Variants in KDM7A observed in about 807,000 individuals in gnomAD.
KDM7A encodes the protein lysine-specific demethylase 7A.
In KDM7A, 28 loss-of-function variants were observed where a neutral mutation model predicts 114.8. The ratio of observed to expected loss-of-function variants is 0.24; its 90% confidence interval spans 0.18 to 0.33. The LOEUF (loss-of-function observed/expected upper bound fraction) is 0.33, where lower values mean the gene tolerates loss of function less well. Ranked by LOEUF, KDM7A falls within the 10% of genes least tolerant of loss-of-function variation. KDM7A has a pLI of 1.00. For missense variants in KDM7A, 942 were observed against 1,142.5 expected, an observed-to-expected ratio of 0.82 and a Z score of 2.53; for synonymous variants, 423 against 397.8, an observed-to-expected ratio of 1.06 and a Z score of -0.75.
intron 1 of KDM7A, among the ~76,000 whole-genome samples, chr7:140,161,798 C>A (rs1158831746): frequency 2.6e-5 from 4 of 151,848 alleles, no homozygotes; most frequent in Admixed American, 2.0e-4. Context: ...CCCGCCTCGG[C>A]CTCCCAAAGT....
intron 1 of KDM7A, among the ~76,000 whole-genome samples, chr7:140,141,194 A>G (rs1021981808): frequency 2.0e-5 from 3 of 152,226 alleles, no homozygotes; most frequent in African/African-American, 7.2e-5. Context: ...TTGAGGTTCA[A>G]TAATGTAAAG....
At chr7:140,156,761 A>G (rs540417754) in intron 1 of KDM7A, among the ~76,000 whole-genome samples, 6 of 152,244 alleles carry the variant, frequency 3.9e-5, no homozygotes, top group Non-Finnish European at 8.8e-5. Context: ...ATGCCCTCAG[A>G]CCAAGTATCA....
At chr7:140,154,929 A>G (rs1219233920) in intron 1 of KDM7A, among the ~76,000 whole-genome samples, 1 of 152,168 alleles carries the variant, frequency 6.6e-6, no homozygotes, top group Non-Finnish European at 1.5e-5. Flanking sequence ...AATGTTTTGC[A>G]ATTTTACAAT....
Position 140,176,295 on chromosome 7 carries a change from G to A in KDM7A, c.194+449C>T, listed in dbSNP as rs999556152. 1.4e-4 allele frequency among the ~76,000 whole-genome samples: 21 copies of A among 148,280 alleles called. No individual in the cohort carries two copies. The highest frequency in any genetic ancestry group is 3.1e-4 in the Non-Finnish European group (21 of 66,716). Reference sequence around the variant, plus strand: ...CGCCCGGAAGGAAGGCAGGCGCGTCGGCCGGCCGGGCAGAGCGGCGGGGCG... The same window carrying A: ...CGCCCGGAAGGAAGGCAGGCGCGTCAGCCGGCCGGGCAGAGCGGCGGGGCG... On this transcript the variant is annotated intron_variant, in intron 1 of 19. Coordinates refer to ENST00000397560, the MANE Select transcript of KDM7A (RefSeq NM_030647.2). The surrounding 1 kb of genome is among the most constrained non-coding windows in gnomAD (Gnocchi z 4.4).
At chr7:140,094,244 C>T (rs1163622988) in intron 17 of KDM7A, 106 bp from the exon 18 acceptor site, 3 of 753,500 alleles carry the variant, frequency 4.0e-6, no homozygotes, top group Admixed American at 1.9e-5. Flanking sequence ...ATGGCTCACG[C>T]CTGTAATCCC....
Position 140,176,636 on chromosome 7 carries a change from G to T in KDM7A, c.194+108C>A. On this transcript the variant is annotated intron_variant, in intron 1 of 19. Coordinates refer to ENST00000397560, the MANE Select transcript of KDM7A (RefSeq NM_030647.2). This position sits in a 1 kb window ranked among gnomAD's most constrained non-coding sequence, Gnocchi z 4.4. ...TAGGCACCGGGGCCCCCTGAAAGCT[G>T]GGCGCGGCGCGGCGGCCCGGCCCGA... 1.2e-6 allele frequency: 1 copy of T among 839,036 alleles called. No homozygotes were observed. Among genetic ancestry groups the T allele is most frequent in the Non-Finnish European group, 1.4e-6 (1 of 694,206 alleles). The allele number at this position is 839,036 out of a possible 1,614,324, so 52.0% of individuals were successfully genotyped here. A position where few individuals can be genotyped will look rare whatever the true frequency, so the allele number is the denominator to read the frequency against.
intron 1 of KDM7A, among the ~76,000 whole-genome samples, chr7:140,143,083 G>A (rs1365896604): frequency 1.3e-5 from 2 of 151,548 alleles, no homozygotes; most frequent in Non-Finnish European, 2.9e-5. Context: ...CGGAGGCTGA[G>A]GCAGGAGAAC....
intron 2 of KDM7A, among the ~76,000 whole-genome samples, chr7:140,136,265 T>TA (rs1818869219): frequency 6.6e-6 from 1 of 152,228 alleles, no homozygotes; most frequent in East Asian, 1.9e-4. Flanking sequence ...TAACATAGGT[T>TA]AAGTACTTAC....
chr7:140,103,199 C>T (rs1818261899), intron 11 of KDM7A, among the ~76,000 whole-genome samples: 1 of 152,064 alleles, frequency 6.6e-6, no homozygotes, highest in African/African-American at 2.4e-5. Flanking sequence ...CTTCTAGGAA[C>T]CTCATATAAG....
intron 12 of KDM7A, 148 bp downstream of exon 12, chr7:140,101,801 CCT>C (rs1364947237): frequency 3.2e-6 from 2 of 624,844 alleles, no homozygotes; most frequent in South Asian, 2.0e-5. Flanking sequence ...AGCACCACTC[CCT>C]GTCACAGGCA....
chr7:140,135,080 A>G (rs115069186), intron 2 of KDM7A, among the ~76,000 whole-genome samples: 2,697 of 151,918 alleles, frequency 0.018, 94 homozygotes, highest in African/African-American at 0.062. Flanking sequence ...AGAATCACAA[A>G]GCAAACTTCC....
intron 1 of KDM7A, among the ~76,000 whole-genome samples, chr7:140,141,294 A>C (rs1430846738): frequency 1.3e-5 from 2 of 152,190 alleles, no homozygotes; most frequent in South Asian, 2.1e-4. Context: ...TCTAAAATTA[A>C]TATGGAAATG....
chr7:140,161,564 G>A (rs182344990), intron 1 of KDM7A, among the ~76,000 whole-genome samples: 4 of 151,240 alleles, frequency 2.6e-5, no homozygotes, highest in Admixed American at 6.6e-5. Context: ...TCTACGGTGG[G>A]GGGGACGGAG....
At chr7:140,172,856 A>G (rs1305051830) in intron 1 of KDM7A, among the ~76,000 whole-genome samples, 1 of 152,216 alleles carries the variant, frequency 6.6e-6, no homozygotes, top group Non-Finnish European at 1.5e-5. Context: ...AAGAATATAC[A>G]TATACACATA....
At chr7:140,101,786 G>C (rs1284691922) in intron 12 of KDM7A, among the ~76,000 whole-genome samples, 165 bp downstream of exon 12, 1 of 152,142 alleles carries the variant, frequency 6.6e-6, no homozygotes, top group Non-Finnish European at 1.5e-5. Flanking sequence ...AACTTAGAAA[G>C]ATTAAGCACC....
chr7:140,111,935 ACT>A (rs1818440832), intron 10 of KDM7A, among the ~76,000 whole-genome samples: 1 of 149,784 alleles, frequency 6.7e-6, no homozygotes, highest in Non-Finnish European at 1.5e-5. Flanking sequence ...ACAGAGTGAG[ACT>A]CTGTCTCAAA....
In KDM7A at chr7:140,140,568, G is replaced by A. The variant is rs570695680; in HGVS notation, c.195-1378C>T. Among the ~76,000 whole-genome samples, 868 of 152,196 alleles carry A rather than the reference G, an allele frequency of 5.7e-3. 16 individuals carry two copies. The highest frequency in any genetic ancestry group is 0.019 in the African/African-American group (791 of 41,516). On this transcript the variant is annotated intron_variant, in intron 1 of 19. Coordinates refer to ENST00000397560, the MANE Select transcript of KDM7A (RefSeq NM_030647.2). ...AGGCGGGTGGATCACGAGATCAGGA[G>A]TTCAAGATCAGTCTGGCCAACATGG...
chr7:140,151,079 C>G (rs1311469126), intron 1 of KDM7A, among the ~76,000 whole-genome samples: 1 of 152,130 alleles, frequency 6.6e-6, no homozygotes, highest in East Asian at 1.9e-4. Context: ...GATACACCCA[C>G]CTCGGCCTCC....
In KDM7A at chr7:140,126,827, TCAA is replaced by T. The variant is rs1562953259; in HGVS notation, c.702-7_702-5del. ...GACCTCCACCAATTCAGACATCCTTTCAAAAAACAAACATACACACACACCCAC... is the reference window on the plus strand; with the variant it reads ...GACCTCCACCAATTCAGACATCCTTTAAAACAAACATACACACACACCCAC... On this transcript the variant is annotated splice_polypyrimidine_tract_variant and splice_region_variant and intron_variant, in intron 5 of 19. Transcript: ENST00000397560. 1 of 1,608,216 alleles carries T rather than the reference TCAA, an allele frequency of 6.2e-7. No individual in the cohort carries two copies. The highest frequency in any genetic ancestry group is 2.2e-5 in the East Asian group (1 of 44,812).
Sources: allele counts gnomAD v4.1 joint callset (sites outside exome capture counted in the v4.1 genomes callset), GRCh38; gene constraint gnomAD v4.1.1; non-coding constraint Gnocchi (gnomAD v3.1); transcripts MANE v1.5; gene names NCBI Gene and HGNC (gene_info 2026-07-23, HGNC 2026-07-21).